Variants in PFN2 observed in about 807,000 individuals in gnomAD.
PFN2 encodes the protein profilin 2, also known as profilin-2.
PFN2 carries 8 observed loss-of-function variants against 15.3 expected under a neutral mutation model. That is an observed-to-expected ratio of 0.52 (90% CI 0.31 to 0.95). The LOEUF (loss-of-function observed/expected upper bound fraction) is 0.95, where lower values mean the gene tolerates loss of function less well. Among genes scored for constraint, PFN2 ranks in the 40% least tolerant of loss-of-function variants. The pLI is 0.05. For missense variants in PFN2, 111 were observed against 182.3 expected (o/e 0.61, Z 2.25); for synonymous variants, 79 against 67.9 (o/e 1.16, Z -0.81).
chr3:149,970,737 A>C lies in PFN2; in HGVS notation c.120T>G (p.Phe40Leu). The change falls in exon 1 of 3, where the codon TTT (phenylalanine) becomes TTG (leucine). Residue 40 changes from phenylalanine (F) to leucine (L), a missense_variant. Coordinates refer to ENST00000239940, the MANE Select transcript of PFN2 (RefSeq NM_053024.4). ...YVWAATAGGVFQSITPIEIDM... is the reference protein window; with the variant it reads ...YVWAATAGGVLQSITPIEIDM... ...CACTGGTCCTCACCGTAATGCTCTG[A>C]AAGACGCCCCCGGCCGTGGCTGCCC... 1 of 1,520,864 alleles carries C rather than the reference A, an allele frequency of 6.6e-7. No homozygotes were observed. The highest frequency in any genetic ancestry group is 8.8e-7 in the Non-Finnish European group (1 of 1,130,944). The allele number at this position is 1,520,864 out of a possible 1,614,324, so 94.2% of individuals were successfully genotyped here. A position where few individuals can be genotyped will look rare whatever the true frequency, so the allele number is the denominator to read the frequency against.
chr3:149,969,676 A>C (rs1722792368), intron 1 of PFN2, among the ~76,000 whole-genome samples: 1 of 152,226 alleles, frequency 6.6e-6, no homozygotes. Flanking sequence ...GGTGCTAAGA[A>C]ATAAAGAGAA....
rs1576617981 is a variant in PFN2, at chr3:149,965,930, C to T, written c.*559G>A. On this transcript the variant is annotated 3_prime_UTR_variant, in exon 3 of 3. Coordinates refer to ENST00000239940, the MANE Select transcript of PFN2 (RefSeq NM_053024.4). ...ACAAAGTGATGCCCAACTTGGCATG[C>T]CCCCTCCCCCCAATTTCAAGGTATC... 5.3e-6 allele frequency: 7 copies of T among 1,314,456 alleles called. No individual in the cohort carries two copies. The highest frequency in any genetic ancestry group is 6.8e-6 in the Non-Finnish European group (7 of 1,034,624). The allele number at this position is 1,314,456 out of a possible 1,614,324, so 81.4% of individuals were successfully genotyped here.
intron 1 of PFN2, chr3:149,970,378 G>A (rs1044721442): frequency 9.3e-5 from 16 of 172,648 alleles, no homozygotes; most frequent in Middle Eastern, 2.4e-3. Context: ...AGAACCTAGG[G>A]GAACCGCACT....
At chr3:149,969,073 C>T (rs542465718) in intron 1 of PFN2, among the ~76,000 whole-genome samples, 17 of 152,256 alleles carry the variant, frequency 1.1e-4, no homozygotes, top group African/African-American at 4.1e-4. Flanking sequence ...TAGAAATATA[C>T]GTGATGAGAT....
chr3:149,968,523 T>C lies in PFN2; in HGVS notation c.160A>G (p.Lys54Glu). The C allele has an allele frequency of 6.2e-7, 1 of 1,613,536 alleles. No homozygotes were observed. Among genetic ancestry groups the C allele is most frequent in the East Asian group, 2.2e-5 (1 of 44,838 alleles). ...TPIEIDMIVG[K>E]DREGFFTNGL... is the part of the protein sequence containing the mutation. ...TTGGTAAAGAAACCTTCCCGGTCTT[T>C]TCCTACAATCATATCTATTTCTATT... Residue 54 changes from lysine to glutamate, a missense_variant, in exon 2 of 3, where the codon AAA becomes GAA. This residue lies in a region of PFN2 where 47 missense variants were observed against 112.7 expected (regional missense o/e 0.42). Coordinates refer to ENST00000239940, the MANE Select transcript of PFN2 (RefSeq NM_053024.4).
intron 1 of PFN2, among the ~76,000 whole-genome samples, chr3:149,969,529 G>A (rs1445287646): frequency 1.3e-5 from 2 of 152,112 alleles, no homozygotes; most frequent in East Asian, 3.9e-4. Context: ...AGTCCACTGC[G>A]GGTATACGAG....
intron 1 of PFN2, among the ~76,000 whole-genome samples, chr3:149,969,384 G>A (rs1389083400): frequency 2.6e-5 from 4 of 152,188 alleles, no homozygotes; most frequent in African/African-American, 4.8e-5. Context: ...GAACTGCAGA[G>A]TCATAGCAGG....
chr3:149,968,233 TG>T, intron 2 of PFN2, 124 bp downstream of exon 2: 2 of 778,038 alleles, frequency 2.6e-6, no homozygotes, highest in Non-Finnish European at 2.2e-6. Flanking sequence ...TCCATAGTGC[TG>T]GGCAGTTCAC....
Position 149,965,467 on chromosome 3 carries a change from T to C in PFN2, c.*1022A>G, listed in dbSNP as rs1722657178. The C allele has an allele frequency of 7.0e-7, 1 of 1,434,806 alleles. No homozygotes were observed. The highest frequency in any genetic ancestry group is 9.1e-7 in the Non-Finnish European group (1 of 1,102,350). The allele number at this position is 1,434,806 out of a possible 1,614,324, so 88.9% of individuals were successfully genotyped here. A position where few individuals can be genotyped will look rare whatever the true frequency, so the allele number is the denominator to read the frequency against. On this transcript the variant is annotated 3_prime_UTR_variant, in exon 3 of 3. Transcript: ENST00000239940. ...GGAATGTCCCTGGGGATTCAATCAG[T>C]ATGGTTACTGTAAGGTCATGGGAGG...
At chr3:149,968,091 A>G in intron 2 of PFN2, 1 of 353,686 alleles carries the variant, frequency 2.8e-6, no homozygotes, top group Non-Finnish European at 5.1e-6. Context: ...CATGTCAAGC[A>G]GTTTAAGAGA....
rs762741841 is a variant in PFN2, at chr3:149,966,470, TTAACA to T, written c.*14_*18del. 1.9e-6 allele frequency: 3 copies of T among 1,609,174 alleles called. No homozygotes were observed. The highest frequency in any genetic ancestry group is 2.7e-5 in the African/African-American group (2 of 74,540). ...TTTAAGAGCAATTTTCCCCTAATAC[TTAACA>T]GTCTGCCTAGCAGCTAGAACCCAGA... On this transcript the variant is annotated 3_prime_UTR_variant, in exon 3 of 3. Transcript: ENST00000239940.
chr3:149,966,645 GT>G, intron 2 of PFN2, 59 bp from the exon 3 acceptor site: 3 of 1,279,036 alleles, frequency 2.3e-6, no homozygotes, highest in Non-Finnish European at 3.4e-6. Context: ...AGTCACATAA[GT>G]TTTAGCAGAC....
chr3:149,964,983 A>G lies in PFN2; in HGVS notation c.*1506T>C. 1 of 439,970 alleles carries G rather than the reference A, an allele frequency of 2.3e-6. No individual in the cohort carries two copies. The highest frequency in any genetic ancestry group is 4.0e-6 in the Non-Finnish European group (1 of 249,710). The allele number at this position is 439,970 out of a possible 1,614,324, so 27.3% of individuals were successfully genotyped here. A position where few individuals can be genotyped will look rare whatever the true frequency, so the allele number is the denominator to read the frequency against. On this transcript the variant is annotated 3_prime_UTR_variant, in exon 3 of 3. Transcript: ENST00000239940. ...TGGCATTTTTTTAAATGCATATTAA[A>G]TCAGATGAGTTAGACTGTATCCCAG...
chr3:149,968,637 C>CTA (rs752352932), intron 1 of PFN2, 87 bp from the exon 2 acceptor site: 34 of 1,144,484 alleles, frequency 3.0e-5, no homozygotes, highest in Non-Finnish European at 4.2e-5. Flanking sequence ...ACAGGAAGGG[C>CTA]TGTAGCTAGG....
rs762066173 is a variant in PFN2 at position 149,966,204 on chromosome 3, T to C, written c.*285A>G. The stretch of plus-strand genomic sequence containing the variant: ...CCTCCTCAGGTATAAAGCGAGTTCA[T>C]ATGCTTTCTTGTTAAGTGTGCCTCC... On this transcript the variant is annotated 3_prime_UTR_variant, in exon 3 of 3. Transcript: ENST00000239940. 6 of 1,613,640 alleles carry C rather than the reference T, an allele frequency of 3.7e-6. No homozygotes were observed. Among genetic ancestry groups the C allele is most frequent in the Non-Finnish European group, 4.2e-6 (5 of 1,179,714 alleles).
intron 2 of PFN2, among the ~76,000 whole-genome samples, chr3:149,967,125 A>G (rs1050236788): frequency 3.3e-5 from 5 of 152,236 alleles, no homozygotes; most frequent in African/African-American, 1.2e-4. Flanking sequence ...AAATTATTTA[A>G]GGTGTTTGCT....
At chr3:149,970,414 T>G (rs1722827557) in intron 1 of PFN2, 1 of 226,246 alleles carries the variant, frequency 4.4e-6, no homozygotes. Flanking sequence ...ACCCCTCCCC[T>G]TGCCCTGGCC....
At chr3:149,969,280 T>C (rs1300390791) in intron 1 of PFN2, among the ~76,000 whole-genome samples, 2 of 151,912 alleles carry the variant, frequency 1.3e-5, no homozygotes, top group Non-Finnish European at 2.9e-5. Flanking sequence ...TGGAGGGAGA[T>C]TGGGAAAGAA....
At position 149,965,595 on chromosome 3, in the gene PFN2, C is replaced by T. The variant is rs558548694; in HGVS notation, c.*894G>A. On this transcript the variant is annotated 3_prime_UTR_variant, in exon 3 of 3. Coordinates refer to ENST00000239940, the MANE Select transcript of PFN2 (RefSeq NM_053024.4). ...TCAAGTGCAACAACAATACTAAAAG[C>T]AAACTACTGCAGCTCTCAATAGCTC... The T allele has an allele frequency of 5.4e-5, 62 of 1,145,612 alleles. No individual in the cohort carries two copies. In the South Asian group the frequency reaches 1.9e-3, roughly 35 times the overall value. 71.0% of individuals were successfully genotyped at this position (1,145,612 alleles called of 1,614,324 possible). A position where few individuals can be genotyped will look rare whatever the true frequency, so the allele number is the denominator to read the frequency against.
Sources: gnomAD v4.1 joint callset for allele counts (sites outside exome capture counted in the v4.1 genomes callset) on GRCh38, gnomAD v4.1.1 for gene constraint, gnomAD v4.1.1 regional missense constraint, MANE v1.5 for transcripts, NCBI Gene and HGNC (gene_info 2026-07-23, HGNC 2026-07-21) for gene names.